Variants in SUPT4H1 observed in about 807,000 individuals in gnomAD.
SUPT4H1 encodes SPT4 homolog, DSIF elongation factor subunit.
Under a neutral mutation model 19.4 loss-of-function variants are expected in SUPT4H1, and 12 were observed. The observed-to-expected ratio is 0.62, with a 90% CI of 0.40 to 1.00. The LOEUF (loss-of-function observed/expected upper bound fraction) is 1.00. SUPT4H1 is among the 50% of genes least tolerant of loss of function. SUPT4H1 has a pLI of 0.00. For missense variants in SUPT4H1, 115 were observed against 149.2 expected, an observed-to-expected ratio of 0.77 and a Z score of 1.19; for synonymous variants, 58 against 56.3, an observed-to-expected ratio of 1.03 and a Z score of -0.14.
intron 1 of SUPT4H1, chr17:58,351,798 A>G: frequency 1.8e-6 from 1 of 565,976 alleles, no homozygotes; most frequent in Non-Finnish European, 3.1e-6. Context: ...CCCGCCTCTG[A>G]CTCCCAGTGT....
chr17:58,346,179 G>T lies in SUPT4H1; in HGVS notation c.*67C>A. On this transcript the variant is annotated 3_prime_UTR_variant, in exon 5 of 5. Transcript: ENST00000225504. ...AAGTATTTGAAGTTCTGTTCATTTA[G>T]TTCCAGAACAAGAAATAAGCAGAGG... is the stretch of plus-strand genomic sequence containing the variant. The T allele has an allele frequency of 7.6e-7, 1 of 1,322,500 alleles. No homozygotes were observed. The highest frequency in any genetic ancestry group is 1.1e-6 in the Non-Finnish European group (1 of 915,650). The allele number at this position is 1,322,500 out of a possible 1,614,324, so 81.9% of individuals were successfully genotyped here.
intron 2 of SUPT4H1, among the ~76,000 whole-genome samples, chr17:58,350,472 C>G (rs1286671465): frequency 6.7e-6 from 1 of 149,890 alleles, no homozygotes; most frequent in Admixed American, 6.6e-5. Flanking sequence ...GATTGCGCCA[C>G]TGCACTCCAG....
chr17:58,346,181 T>C lies in SUPT4H1; in HGVS notation c.*65A>G. 1 of 1,350,740 alleles carries C rather than the reference T, an allele frequency of 7.4e-7. No homozygotes were observed. 83.7% of individuals were successfully genotyped at this position (1,350,740 alleles called of 1,614,324 possible). ...GTATTTGAAGTTCTGTTCATTTAGT[T>C]CCAGAACAAGAAATAAGCAGAGGCA... On this transcript the variant is annotated 3_prime_UTR_variant, in exon 5 of 5. Coordinates refer to ENST00000225504, the MANE Select transcript of SUPT4H1 (RefSeq NM_003168.3).
intron 2 of SUPT4H1, among the ~76,000 whole-genome samples, chr17:58,349,677 T>C (rs1972415636): frequency 6.6e-6 from 1 of 152,240 alleles, no homozygotes; most frequent in Admixed American, 6.5e-5. Flanking sequence ...GAACATGCTA[T>C]ACACATACAA....
Position 58,352,086 on chromosome 17 carries a change from A to C in SUPT4H1, c.50T>G (p.Leu17Trp). Reference sequence around the variant, plus strand: ...TGACACCTTGACCAGCGAACACAGCAAACAGGCCCGCAGATGCCGCAGGTC... The same window carrying C: ...TGACACCTTGACCAGCGAACACAGCCAACAGGCCCGCAGATGCCGCAGGTC... The part of the protein sequence containing the change: ...PKDLRHLRAC[L>W]LCSLVKTIDQ... Residue 17 changes from leucine (L) to tryptophan (W), a missense_variant, in exon 1 of 5, where the codon TTG becomes TGG. Transcript: ENST00000225504. 1 of 1,614,206 alleles carries C rather than the reference A, an allele frequency of 6.2e-7. No individual in the cohort carries two copies. The highest frequency in any genetic ancestry group is 8.5e-7 in the Non-Finnish European group (1 of 1,180,020).
chr17:58,348,445 A>C (rs1357843568), intron 2 of SUPT4H1, among the ~76,000 whole-genome samples: 2 of 152,128 alleles, frequency 1.3e-5, no homozygotes, highest in African/African-American at 2.4e-5. Flanking sequence ...TGCGCTGTTA[A>C]GTGGAACCGA....
At chr17:58,351,655 C>G (rs1283021819) in intron 1 of SUPT4H1, 147 bp from the exon 2 acceptor site, 7 of 612,964 alleles carry the variant, frequency 1.1e-5, no homozygotes, top group Non-Finnish European at 2.0e-5. Context: ...CTACTACTCT[C>G]AAAGCTTCAT....
Position 58,349,835 on chromosome 17 carries a change from T to A in SUPT4H1, c.176+1567A>T, listed in dbSNP as rs527408987. On this transcript the variant is annotated intron_variant, in intron 2 of 4. Coordinates refer to ENST00000225504, the MANE Select transcript of SUPT4H1 (RefSeq NM_003168.3). ...CCTAAGGGTGCCTAAGGTGGCCAAA[T>A]TCATAGAGACAAAGCATGGTGGTTG... 5.3e-5 allele frequency among the ~76,000 whole-genome samples: 8 copies of A among 152,254 alleles called. No individual in the cohort carries two copies. In the East Asian group the frequency reaches 1.5e-3, roughly 29 times the overall value.
rs1972552997 is a variant in SUPT4H1 at position 58,352,158 on chromosome 17, A to G, written c.-23T>C. The stretch of plus-strand genomic sequence containing the variant: ...CATCTTCGCCGATGGGAAGAACAAC[A>G]GGGAGATAGACGACCACAGCCTGTG... On this transcript the variant is annotated 5_prime_UTR_variant, in exon 1 of 5. Coordinates refer to ENST00000225504, the MANE Select transcript of SUPT4H1 (RefSeq NM_003168.3). The G allele has an allele frequency of 1.9e-6, 3 of 1,613,148 alleles. No individual in the cohort carries two copies. The highest frequency in any genetic ancestry group is 2.5e-6 in the Non-Finnish European group (3 of 1,179,162).
At position 58,345,211 on chromosome 17, in the gene SUPT4H1, T is replaced by C. The variant is rs976557695; in HGVS notation, c.*1035A>G. 1 of 151,878 alleles carries C rather than the reference T, an allele frequency of 6.6e-6. No homozygotes were observed. Among genetic ancestry groups the C allele is most frequent in the Non-Finnish European group, 1.5e-5 (1 of 67,956 alleles). 9.4% of individuals were successfully genotyped at this position (151,878 alleles called of 1,614,324 possible). ...AAGTATTTCACCTTTATAATACTTA[T>C]ATAATTTTCACATAGCTTCGTTTCT... On this transcript the variant is annotated 3_prime_UTR_variant, in exon 5 of 5. Transcript: ENST00000225504.
At chr17:58,350,913 C>G (rs1972489214) in intron 2 of SUPT4H1, among the ~76,000 whole-genome samples, 1 of 148,664 alleles carries the variant, frequency 6.7e-6, no homozygotes, top group Non-Finnish European at 1.5e-5. Flanking sequence ...CCTTCATTTT[C>G]AAAAAAAATT....
intron 2 of SUPT4H1, among the ~76,000 whole-genome samples, chr17:58,350,921 A>G (rs1292082120): frequency 6.6e-6 from 1 of 151,786 alleles, no homozygotes; most frequent in Non-Finnish European, 1.5e-5. Context: ...TTCAAAAAAA[A>G]TTTTCATGCA....
chr17:58,351,442 G>A lies in SUPT4H1; in HGVS notation c.136C>T (p.Arg46Ter), dbSNP rs769779914. Reference sequence around the variant, plus strand: ...CTAGTGCAGTCATATACCATCTCTCGGTTACCCTTCATTTGTAGATATGCA... The same window carrying A: ...CTAGTGCAGTCATATACCATCTCTCAGTTACCCTTCATTTGTAGATATGCA... ...CDAYLQMKGN[R>*]EMVYDCTSSS... Residue 46 changes from arginine to a stop codon, truncating the protein, a stop_gained, in exon 2 of 5, where the codon CGA becomes TGA. Coordinates refer to ENST00000225504, the MANE Select transcript of SUPT4H1 (RefSeq NM_003168.3). LOFTEE classifies it high-confidence loss of function. The A allele has an allele frequency of 3.1e-6, 5 of 1,613,874 alleles. No individual in the cohort carries two copies. Among genetic ancestry groups the A allele is most frequent in the South Asian group, 1.1e-5 (1 of 91,054 alleles).
rs1299261361 is a variant in SUPT4H1, at chr17:58,345,256, G to C, written c.*990C>G. 6.6e-6 allele frequency: 1 copy of C among 152,090 alleles called. No homozygotes were observed. The highest frequency in any genetic ancestry group is 1.5e-5 in the Non-Finnish European group (1 of 68,012). The allele number at this position is 152,090 out of a possible 1,614,324, so 9.4% of individuals were successfully genotyped here. On this transcript the variant is annotated 3_prime_UTR_variant, in exon 5 of 5. Transcript: ENST00000225504. ...GTTTCTACAATCACAACAATCCTGA[G>C]GTAAACAGGCAGGGTGCAATCATTC...
At chr17:58,350,836 CAAAAAAAAAAAAA>C (rs35040111) in intron 2 of SUPT4H1, among the ~76,000 whole-genome samples, 1 of 81,906 alleles carries the variant, frequency 1.2e-5, no homozygotes, top group Non-Finnish European at 2.2e-5. Flanking sequence ...AAAGTCTGTC[CAAAAAAAAAAAAA>C]AAAAAAAAGC....
chr17:58,351,686 C>T, intron 1 of SUPT4H1, 178 bp from the exon 2 acceptor site: 1 of 584,024 alleles, frequency 1.7e-6, no homozygotes, highest in Admixed American at 3.2e-5. Flanking sequence ...CACCCTCCCA[C>T]TCCTTCCTCT....
At chr17:58,346,419 A>G in intron 4 of SUPT4H1, 106 bp from the exon 5 acceptor site, 3 of 889,306 alleles carry the variant, frequency 3.4e-6, no homozygotes, top group Non-Finnish European at 3.7e-6. Flanking sequence ...TGGAGTTCCT[A>G]GACTACTTAT....
chr17:58,351,126 C>T (rs1200483496), intron 2 of SUPT4H1, among the ~76,000 whole-genome samples: 1 of 151,930 alleles, frequency 6.6e-6, no homozygotes, highest in Non-Finnish European at 1.5e-5. Context: ...TGAGGCTGGA[C>T]ACAGTGGCTT....
chr17:58,350,199 G>A (rs926958066), intron 2 of SUPT4H1, among the ~76,000 whole-genome samples: 4 of 151,330 alleles, frequency 2.6e-5, no homozygotes, highest in South Asian at 2.1e-4. Context: ...GGTAGGAGGC[G>A]GAGGTTGCAG....
Sources: allele counts gnomAD v4.1 joint callset (sites outside exome capture counted in the v4.1 genomes callset), GRCh38; gene constraint gnomAD v4.1.1; transcripts MANE v1.5; gene names NCBI Gene and HGNC (gene_info 2026-07-23, HGNC 2026-07-21).